Variants in MAP3K7 observed in about 807,000 individuals in gnomAD.
MAP3K7 encodes the protein mitogen-activated protein kinase kinase kinase 7.
In MAP3K7, 21 loss-of-function variants were observed where a neutral mutation model predicts 84.8. That is an observed-to-expected ratio of 0.25 (90% CI 0.18 to 0.36). The LOEUF is 0.36. Among genes scored for constraint, MAP3K7 ranks in the 10% least tolerant of loss-of-function variants. The pLI, the probability that MAP3K7 is intolerant of heterozygous loss-of-function variation, is 1.00. For synonymous variants in MAP3K7, 241 were observed against 247.7 expected (o/e 0.97, Z 0.25); for missense variants, 503 against 747.7 (o/e 0.67, Z 3.82).
At chr6:90,519,674 A>G (rs1775084148) in intron 14 of MAP3K7, among the ~76,000 whole-genome samples, 1 of 151,948 alleles carries the variant, frequency 6.6e-6, no homozygotes, top group South Asian at 2.1e-4. Context: ...CAAACTCCCC[A>G]TCTCTTTTCT....
Position 90,586,878 on chromosome 6 carries a change from A to G in MAP3K7, c.6T>C (p.Ser2=). The part of the protein sequence containing the change: M[S]TASAASSSSS... ...AGGAGGAGGAGGCGGCAGAGGCTGTAGACATGATCCCTCGCGGCGCCCGGT... is the reference window on the plus strand; with the variant it reads ...AGGAGGAGGAGGCGGCAGAGGCTGTGGACATGATCCCTCGCGGCGCCCGGT... The change falls in exon 1 of 17, where the codon TCT becomes TCC. Residue 2 remains serine, a synonymous_variant. Transcript: ENST00000369329. 6.2e-7 allele frequency: 1 copy of G among 1,606,556 alleles called. No homozygotes were observed.
At chr6:90,517,336 G>A (rs1013816426) in intron 16 of MAP3K7, among the ~76,000 whole-genome samples, 1 of 151,696 alleles carries the variant, frequency 6.6e-6, no homozygotes, top group Admixed American at 6.6e-5. Context: ...TGCATCTTTA[G>A]GCATTTCCTA....
At chr6:90,545,929 C>A (rs1417335399) in intron 11 of MAP3K7, among the ~76,000 whole-genome samples, 1 of 152,096 alleles carries the variant, frequency 6.6e-6, no homozygotes, top group Non-Finnish European at 1.5e-5. Flanking sequence ...GCCCTGCCCC[C>A]ATGTCTTCCT....
At chr6:90,537,105 C>T (rs185626416) in intron 12 of MAP3K7, 48 of 152,146 alleles carry the variant, frequency 3.2e-4, no homozygotes, top group African/African-American at 9.6e-4. Context: ...GAATTCTACA[C>T]ATATAAGTCC....
In MAP3K7 at chr6:90,548,033, A is replaced by G. The variant is rs1358672920; in HGVS notation, c.1080+14T>C. ...GGTAAGGTTACCAGTTTTACTTGTA[A>G]TAACATAACAAACCTGTTGCTTTGC... On this transcript the variant is annotated intron_variant, in intron 10 of 16. Coordinates refer to ENST00000369329, the MANE Select transcript of MAP3K7 (RefSeq NM_145331.3). 30 of 1,603,912 alleles carry G rather than the reference A, an allele frequency of 1.9e-5. No individual in the cohort carries two copies. The highest frequency in any genetic ancestry group is 9.0e-5 in the South Asian group (8 of 89,288).
At chr6:90,575,717 G>A (rs1170013432) in intron 1 of MAP3K7, among the ~76,000 whole-genome samples, 1 of 152,140 alleles carries the variant, frequency 6.6e-6, no homozygotes, top group Non-Finnish European at 1.5e-5. Flanking sequence ...GGGTTTCAGA[G>A]GATTAATGAA....
intron 12 of MAP3K7, among the ~76,000 whole-genome samples, chr6:90,544,174 G>A (rs775170869): frequency 7.9e-5 from 12 of 152,088 alleles, no homozygotes; most frequent in Admixed American, 3.3e-4. Context: ...AGTAACTGAG[G>A]AAGGAAAGGA....
At chr6:90,579,338 C>G (rs1467667698) in intron 1 of MAP3K7, among the ~76,000 whole-genome samples, 2 of 152,086 alleles carry the variant, frequency 1.3e-5, no homozygotes, top group African/African-American at 4.8e-5. Flanking sequence ...GTCAACAATC[C>G]CTTCTCTGCC....
chr6:90,574,698 A>G (rs920876611), intron 1 of MAP3K7, among the ~76,000 whole-genome samples: 5 of 152,214 alleles, frequency 3.3e-5, no homozygotes, highest in African/African-American at 1.2e-4. Context: ...TGTGAATCAC[A>G]TGTTTGTCAT....
chr6:90,578,433 C>A (rs1777157297), intron 1 of MAP3K7, among the ~76,000 whole-genome samples: 1 of 152,082 alleles, frequency 6.6e-6, no homozygotes, highest in Admixed American at 6.5e-5. Context: ...TGCCACCACA[C>A]CCAGCTAATT....
intron 5 of MAP3K7, among the ~76,000 whole-genome samples, chr6:90,558,078 T>C (rs1375530070): frequency 3.3e-5 from 5 of 152,084 alleles, no homozygotes; most frequent in Non-Finnish European, 5.9e-5. Flanking sequence ...ATCCCAGCAC[T>C]TTGGGAGGCT....
intron 1 of MAP3K7, among the ~76,000 whole-genome samples, chr6:90,574,075 C>T (rs1227362321): frequency 6.6e-6 from 1 of 152,168 alleles, no homozygotes; most frequent in African/African-American, 2.4e-5. Flanking sequence ...GCTCTGTCTA[C>T]CTATTATCTC....
intron 14 of MAP3K7, 63 bp from the exon 15 acceptor site, chr6:90,519,382 A>C: frequency 9.2e-7 from 1 of 1,083,134 alleles, no homozygotes; most frequent in Non-Finnish European, 1.4e-6. Flanking sequence ...GAACAGCAAG[A>C]AAGCATGAAT....
intron 12 of MAP3K7, among the ~76,000 whole-genome samples, chr6:90,538,435 T>C (rs1383913727): frequency 3.3e-5 from 5 of 151,880 alleles, no homozygotes; most frequent in Admixed American, 2.6e-4. Flanking sequence ...TTATACATGG[T>C]AGTGTAAATG....
At chr6:90,537,527 T>C (rs1420874210) in intron 12 of MAP3K7, among the ~76,000 whole-genome samples, 1 of 152,040 alleles carries the variant, frequency 6.6e-6, no homozygotes, top group Non-Finnish European at 1.5e-5. Flanking sequence ...TAGAATAATA[T>C]GTGTAGTGAA....
At chr6:90,519,470 GAATTCTA>G (rs1775077791) in intron 14 of MAP3K7, 151 bp from the exon 15 acceptor site, 2 of 598,666 alleles carry the variant, frequency 3.3e-6, no homozygotes, top group South Asian at 4.0e-5. Context: ...GTCTATTTCT[GAATTCTA>G]AAGGTTAAAA....
At chr6:90,536,499 G>T in intron 12 of MAP3K7, 98 bp from the exon 13 acceptor site, 13 of 628,934 alleles carry the variant, frequency 2.1e-5, no homozygotes, top group Middle Eastern at 2.9e-4. Flanking sequence ...GTTGCTCCTT[G>T]GATCTACACA....
intron 3 of MAP3K7, among the ~76,000 whole-genome samples, chr6:90,566,767 C>A (rs1360060276): frequency 6.6e-6 from 1 of 152,086 alleles, no homozygotes; most frequent in African/African-American, 2.4e-5. Flanking sequence ...CAATCCTAAG[C>A]CAAAAGAACA....
chr6:90,561,338 C>T (rs1776508025), intron 4 of MAP3K7, among the ~76,000 whole-genome samples: 1 of 151,724 alleles, frequency 6.6e-6, no homozygotes, highest in Non-Finnish European at 1.5e-5. Context: ...AGAAAAAAAT[C>T]TGAAGATATT....
Sources: gnomAD v4.1 joint callset for allele counts (sites outside exome capture counted in the v4.1 genomes callset) on GRCh38, gnomAD v4.1.1 for gene constraint, MANE v1.5 for transcripts, NCBI Gene and HGNC (gene_info 2026-07-23, HGNC 2026-07-21) for gene names.